Variants in CDKAL1 observed in about 807,000 individuals in gnomAD.
CDKAL1 encodes threonylcarbamoyladenosine tRNA methylthiotransferase.
Under a neutral mutation model 68.2 loss-of-function variants are expected in CDKAL1, and 32 were observed. That is an observed-to-expected ratio of 0.47 (90% CI 0.35 to 0.63). The LOEUF (loss-of-function observed/expected upper bound fraction) is 0.63. Ranked by LOEUF, CDKAL1 falls within the 30% of genes least tolerant of loss-of-function variation. The probability of loss-of-function intolerance (pLI) is 0.00; values close to 1 mark genes in which losing one functional copy is unlikely to be tolerated. For missense variants in CDKAL1, 606 were observed against 696.7 expected (o/e 0.87, Z 1.47); for synonymous variants, 234 against 244.3 (o/e 0.96, Z 0.39).
intron 6 of CDKAL1, among the ~76,000 whole-genome samples, chr6:20,749,193 A>G (rs1160531140): frequency 2.0e-5 from 3 of 152,216 alleles, no homozygotes; most frequent in Admixed American, 6.5e-5. Context: ...AATGTTGTTA[A>G]TATTATTCTA....
At chr6:20,887,235 G>T (rs1172788312) in intron 9 of CDKAL1, among the ~76,000 whole-genome samples, 1 of 152,130 alleles carries the variant, frequency 6.6e-6, no homozygotes, top group Non-Finnish European at 1.5e-5. Context: ...GGGAATGGGG[G>T]TTTCCACCCA....
intron 11 of CDKAL1, among the ~76,000 whole-genome samples, chr6:21,035,438 C>T (rs2150885681): frequency 6.6e-6 from 1 of 152,178 alleles, no homozygotes; most frequent in East Asian, 1.9e-4. Flanking sequence ...GTGTAGCTCA[C>T]TCATATTTGA....
At chr6:20,856,911 G>T (rs528926595) in intron 9 of CDKAL1, among the ~76,000 whole-genome samples, 5 of 152,268 alleles carry the variant, frequency 3.3e-5, no homozygotes, top group East Asian at 1.9e-4. Flanking sequence ...TATTGATTCC[G>T]CAGAGTCTGC....
chr6:21,124,637 G>A (rs958681304), intron 13 of CDKAL1, among the ~76,000 whole-genome samples: 8 of 150,154 alleles, frequency 5.3e-5, no homozygotes, highest in Non-Finnish European at 1.2e-4. Flanking sequence ...GTTTGACCTC[G>A]TTCTCTTTGT....
chr6:21,200,067 G>A (rs1177266354), intron 14 of CDKAL1, among the ~76,000 whole-genome samples: 1 of 152,188 alleles, frequency 6.6e-6, no homozygotes, highest in Non-Finnish European at 1.5e-5. Context: ...ATTGTATCTA[G>A]ATATCCAAGT....
chr6:21,216,744 CTTTTTCTTCCTT>C (rs1168075951), intron 15 of CDKAL1, among the ~76,000 whole-genome samples: 1 of 152,190 alleles, frequency 6.6e-6, no homozygotes, highest in African/African-American at 2.4e-5. Flanking sequence ...TCCTGGACCA[CTTTTTCTTCCTT>C]TGACCAACCC....
At chr6:20,729,085 T>C (rs569573719) in intron 5 of CDKAL1, among the ~76,000 whole-genome samples, 8 of 152,310 alleles carry the variant, frequency 5.3e-5, no homozygotes, top group African/African-American at 1.7e-4. Flanking sequence ...AGGGATATTG[T>C]AGAAAATATT....
intron 11 of CDKAL1, among the ~76,000 whole-genome samples, chr6:21,013,240 T>G (rs1004113195): frequency 6.6e-6 from 1 of 152,180 alleles, no homozygotes; most frequent in Non-Finnish European, 1.5e-5. Flanking sequence ...CAGTCAAATT[T>G]AATTCTAATT....
chr6:20,574,303 A>G (rs1323130916), intron 4 of CDKAL1, among the ~76,000 whole-genome samples: 1 of 152,150 alleles, frequency 6.6e-6, no homozygotes, highest in African/African-American at 2.4e-5. Context: ...TAATTTTTCC[A>G]CAATAAAACA....
chr6:21,115,332 G>A (rs1774354483), intron 13 of CDKAL1, among the ~76,000 whole-genome samples: 1 of 152,196 alleles, frequency 6.6e-6, no homozygotes. Flanking sequence ...AGTGCTTTGA[G>A]TTGTTTTTCT....
At chr6:20,642,001 A>G (rs561169864) in intron 4 of CDKAL1, among the ~76,000 whole-genome samples, 1 of 152,306 alleles carries the variant, frequency 6.6e-6, no homozygotes, top group African/African-American at 2.4e-5. Context: ...CAGTTTTCCC[A>G]TTCTTTTGCT....
chr6:20,639,182 T>C (rs1281245398), intron 4 of CDKAL1, among the ~76,000 whole-genome samples: 2 of 152,218 alleles, frequency 1.3e-5, no homozygotes, highest in South Asian at 2.1e-4. Context: ...AAAAATCGTC[T>C]TTCATATAAT....
In CDKAL1 at chr6:20,625,361, C is replaced by T. The variant is rs139255149; in HGVS notation, c.287-23932C>T. On this transcript the variant is annotated intron_variant, in intron 4 of 15. Coordinates refer to ENST00000274695, the MANE Select transcript of CDKAL1 (RefSeq NM_017774.3). ...GTGACTTCAAATAGTTTAGTCAATA[C>T]GCATCCATTTTGCATTTTTGGTGTT... 6.1e-4 allele frequency among the ~76,000 whole-genome samples: 93 copies of T among 152,106 alleles called. 1 individual carries two copies. Among genetic ancestry groups the T allele is most frequent in the African/African-American group, 2.1e-3 (86 of 41,516 alleles).
At chr6:20,901,537 C>T (rs970740563) in intron 9 of CDKAL1, among the ~76,000 whole-genome samples, 7 of 151,078 alleles carry the variant, frequency 4.6e-5, no homozygotes, top group South Asian at 2.1e-4. Flanking sequence ...AATAATTAGC[C>T]GGGCATGGTG....
intron 4 of CDKAL1, chr6:20,559,774 A>G (rs574536815): frequency 1.3e-5 from 2 of 152,324 alleles, no homozygotes; most frequent in African/African-American, 4.8e-5. Flanking sequence ...CATGAGTCAG[A>G]TAAACATATA....
intron 11 of CDKAL1, among the ~76,000 whole-genome samples, chr6:21,001,932 C>CT (rs1035621673): frequency 9.9e-5 from 15 of 152,164 alleles, no homozygotes; most frequent in African/African-American, 3.1e-4. Flanking sequence ...GCAGAATAGA[C>CT]TAGAACACTT....
At chr6:21,030,848 A>G (rs4710961) in intron 11 of CDKAL1, among the ~76,000 whole-genome samples, 50,133 of 152,074 alleles carry the variant, frequency 0.33, 8,467 homozygotes, top group Middle Eastern at 0.39. Flanking sequence ...AAGAAGGGGC[A>G]GGAGTTGATT....
chr6:20,976,439 G>A lies in CDKAL1; in HGVS notation c.909+20854G>A, dbSNP rs151177370. The stretch of plus-strand genomic sequence containing the variant: ...ATTTGTTCCTTCATTTATGATGACT[G>A]GACCGTAGCTCCTTGACTTTCATCT... On this transcript the variant is annotated intron_variant, in intron 10 of 15. Transcript: ENST00000274695. Among the ~76,000 whole-genome samples, 18 of 152,250 alleles carry A rather than the reference G, an allele frequency of 1.2e-4. No homozygotes were observed. In the East Asian group the frequency reaches 3.3e-3, roughly 28 times the overall value.
intron 5 of CDKAL1, among the ~76,000 whole-genome samples, chr6:20,652,279 A>G (rs1034167593): frequency 2.0e-5 from 3 of 152,202 alleles, no homozygotes; most frequent in African/African-American, 7.2e-5. Context: ...CGGAGAATCA[A>G]TGCATACTTT....
Sources: gnomAD v4.1 joint callset for allele counts (sites outside exome capture counted in the v4.1 genomes callset) on GRCh38, gnomAD v4.1.1 for gene constraint, MANE v1.5 for transcripts, NCBI Gene and HGNC (gene_info 2026-07-23, HGNC 2026-07-21) for gene names.